The following UBA1 variants were observed in gnomAD, a reference collection of about 807,000 sequenced individuals.
UBA1 encodes the protein ubiquitin-like modifier-activating enzyme 1.
Under a neutral mutation model 84.7 loss-of-function variants are expected in UBA1, and 4 were observed. The observed-to-expected ratio is 0.05, with a 90% CI of 0.02 to 0.11. The LOEUF (loss-of-function observed/expected upper bound fraction) is 0.11, where lower values mean the gene tolerates loss of function less well. Among genes scored for constraint, UBA1 ranks in the 10% least tolerant of loss-of-function variants. The pLI is 1.00. For synonymous variants in UBA1, 364 were observed against 362.6 expected (o/e 1.00, Z -0.04); for missense variants, 513 against 902.8 (o/e 0.57, Z 5.53).
chrX:47,214,700 G>A, intron 25 of UBA1, 63 bp downstream of exon 25: 1 of 1,193,574 alleles, frequency 8.4e-7, no homozygotes, highest in Non-Finnish European at 1.1e-6. Context: ...TCATCATCCA[G>A]CTGTCCCACT....
At chrX:47,197,549 A>C (rs1267380809) in intron 1 of UBA1, 1 of 752,466 alleles carries the variant, frequency 1.3e-6, no homozygotes, top group Non-Finnish European at 1.6e-6. Flanking sequence ...GGTGAGGGGA[A>C]GTGACGCTGG....
Position 47,202,443 on chromosome X carries a change from G to A in UBA1, c.995G>A (p.Gly332Asp), listed in dbSNP as rs781816359. The change falls in exon 10 of 26, where the codon GGC becomes GAC. Residue 332 changes from glycine (G) to aspartate (D), a missense_variant. Physicochemically the swap from Gly to Asp is moderately conservative, Grantham distance 94 (BLOSUM62 -1). Transcript: ENST00000335972. Reference sequence around the variant, plus strand: ...TCTCGCCCTGCCCAGCTGCACATTGGCTTCCAGGCCCTGCACCAGTTCTGT... The same window carrying A: ...TCTCGCCCTGCCCAGCTGCACATTGACTTCCAGGCCCTGCACCAGTTCTGT... ...KFSRPAQLHI[G>D]FQALHQFCAQ... 8.3e-7 allele frequency: 1 copy of A among 1,208,642 alleles called. No homozygotes were observed. The highest frequency in any genetic ancestry group is 3.0e-5 in the East Asian group (1 of 33,708).
intron 16 of UBA1, among the ~76,000 whole-genome samples, chrX:47,208,329 G>A (rs1440200986): frequency 9.6e-6 from 1 of 103,841 alleles, no homozygotes; most frequent in Non-Finnish European, 1.9e-5. Context: ...GTGTACGTGT[G>A]TGTGTGTGTG....
rs145177450 is a variant in UBA1 at position 47,211,089 on chromosome X, C to T, written c.2328C>T (p.Tyr776=). The change falls in exon 20 of 26, where the codon TAC becomes TAT. Residue 776 remains tyrosine, a synonymous_variant. Coordinates refer to ENST00000335972, the MANE Select transcript of UBA1 (RefSeq NM_003334.4). The stretch of plus-strand genomic sequence containing the variant: ...CTGCCAACCTGTTTGCCCAGACCTA[C>T]GGGCTGACAGGCTCTCAGGACCGAG... The part of the protein sequence containing the change: ...MAAANLFAQT[Y]GLTGSQDRAA... 6.2e-4 allele frequency: 754 copies of T among 1,209,986 alleles called. 4 individuals are homozygous for T. The African/African-American group carries it at 0.012, about 19-fold the overall frequency.
At chrX:47,212,010 A>G (rs1936940159) in intron 20 of UBA1, among the ~76,000 whole-genome samples, 1 of 71,316 alleles carries the variant, frequency 1.4e-5, no homozygotes, top group African/African-American at 6.0e-5. Context: ...TCTTTCCTCT[A>G]TGTCCACATC....
At chrX:47,198,113 G>T in intron 1 of UBA1, 1 of 908,366 alleles carries the variant, frequency 1.1e-6, no homozygotes, top group Non-Finnish European at 1.4e-6. Flanking sequence ...CCCAAAGCTG[G>T]GGGCAGGGTT....
rs782698740 is a variant in UBA1, at chrX:47,213,191, T to C, written c.2838+10T>C. ...CGCACCACGTCACCAGGTGGGGGCC[T>C]GCATCCGAAGCAGGGTTTGGGTGGG... is the stretch of plus-strand genomic sequence containing the variant. On this transcript the variant is annotated intron_variant, in intron 23 of 25. Coordinates refer to ENST00000335972, the MANE Select transcript of UBA1 (RefSeq NM_003334.4). The C allele has an allele frequency of 8.3e-7, 1 of 1,208,303 alleles. No individual in the cohort carries two copies. Among genetic ancestry groups the C allele is most frequent in the South Asian group, 1.8e-5 (1 of 56,793 alleles).
chrX:47,207,598 G>A (rs947119826), intron 16 of UBA1, among the ~76,000 whole-genome samples: 2 of 111,064 alleles, frequency 1.8e-5, no homozygotes, highest in African/African-American at 3.3e-5. Context: ...TGTGCTGTCA[G>A]AATAATTCTT....
chrX:47,208,052 C>T (rs1556791734), intron 16 of UBA1, among the ~76,000 whole-genome samples: 1 of 112,491 alleles, frequency 8.9e-6, no homozygotes, highest in Non-Finnish European at 1.9e-5. Flanking sequence ...CTAGGTAATA[C>T]GTGGCATAGC....
intron 16 of UBA1, chrX:47,209,319 A>G (rs1936819778): frequency 1.4e-5 from 6 of 419,455 alleles, no homozygotes; most frequent in African/African-American, 1.0e-4. Context: ...ACGCCCAGCT[A>G]CTTTTTGTAT....
chrX:47,205,926 C>T, intron 14 of UBA1, 22 bp from the exon 15 acceptor site: 1 of 1,199,004 alleles, frequency 8.3e-7, no homozygotes. Context: ...CACCCTGGAA[C>T]TGCACTTTCT....
rs782781187 is a variant in UBA1 at position 47,198,907 on chromosome X, G to A, written c.105G>A (p.Ser35=). 9 of 1,210,452 alleles carry A rather than the reference G, an allele frequency of 7.4e-6. No individual in the cohort carries two copies. Among genetic ancestry groups the A allele is most frequent in the African/African-American group, 3.5e-5 (2 of 57,253 alleles). ...PAQSVLSEVP[S]VPTNGMAKNG... ...AGTCCGTGTTGTCCGAAGTGCCCTCGGTGCCAACCAACGTGAGTGTCCTCT... is the reference window on the plus strand; with the variant it reads ...AGTCCGTGTTGTCCGAAGTGCCCTCAGTGCCAACCAACGTGAGTGTCCTCT... Residue 35 remains serine, a synonymous_variant, in exon 2 of 26, where the codon TCG becomes TCA. Transcript: ENST00000335972.
chrX:47,201,639 G>A (rs1556788101), intron 8 of UBA1, 29 bp downstream of exon 8: 2 of 1,206,311 alleles, frequency 1.7e-6, no homozygotes, highest in Non-Finnish European at 2.2e-6. Flanking sequence ...GGAAGCAGAG[G>A]GGAACTAGAA....
At chrX:47,210,151 G>A in intron 18 of UBA1, 28 bp downstream of exon 18, 4 of 1,207,243 alleles carry the variant, frequency 3.3e-6, no homozygotes, top group Non-Finnish European at 4.5e-6. Flanking sequence ...GGTCCATTTG[G>A]CAGAATGTGT....
At chrX:47,204,282 G>C (rs1186324089) in intron 14 of UBA1, among the ~76,000 whole-genome samples, 2 of 108,129 alleles carry the variant, frequency 1.8e-5, no homozygotes, top group Admixed American at 2.0e-4. Flanking sequence ...CGTGCTTGTG[G>C]CTACAATTTA....
chrX:47,198,939 AGACTGG>A lies in UBA1; in HGVS notation c.117+21_117+26del, dbSNP rs1936302623. ...ACCAACGTGAGTGTCCTCTCCGTGG[AGACTGG>A]CAGACGAGGTGGTGGGTGGGAAAGT... On this transcript the variant is annotated intron_variant, in intron 2 of 25. Transcript: ENST00000335972. 5.8e-6 allele frequency: 7 copies of A among 1,207,469 alleles called. No individual in the cohort carries two copies. The highest frequency in any genetic ancestry group is 7.9e-6 in the Non-Finnish European group (7 of 891,405).
At chrX:47,208,296 T>TAA (rs1936760380) in intron 16 of UBA1, among the ~76,000 whole-genome samples, 1 of 104,691 alleles carries the variant, frequency 9.6e-6, no homozygotes, top group African/African-American at 3.6e-5. Context: ...TGTGTGTAAG[T>TAA]GTCTGTGTGT....
At chrX:47,206,669 A>AT (rs1936690846) in intron 16 of UBA1, 1 of 429,485 alleles carries the variant, frequency 2.3e-6, no homozygotes, top group African/African-American at 2.5e-5. Context: ...ATAGACAAAT[A>AT]TTAAGAATAT....
rs1556793878 is a variant in UBA1 at position 47,212,788 on chromosome X, T to G, written c.2571T>G (p.Phe857Leu). ...IDFEKDDDSN[F>L]HMDFIVAASN... ...CATAACAGGATGATGACAGCAACTT[T>G]CATATGGATTTCATCGTGGCTGCAT... Residue 857 changes from phenylalanine to leucine, a missense_variant, in exon 22 of 26, where the codon TTT becomes TTG. Transcript: ENST00000335972. 8.3e-7 allele frequency: 1 copy of G among 1,211,300 alleles called. No individual in the cohort carries two copies. Among genetic ancestry groups the G allele is most frequent in the Admixed American group, 2.2e-5 (1 of 45,996 alleles).
Sources: gnomAD v4.1 joint callset for allele counts (sites outside exome capture counted in the v4.1 genomes callset) on GRCh38, gnomAD v4.1.1 for gene constraint, MANE v1.5 for transcripts, NCBI Gene and HGNC (gene_info 2026-07-23, HGNC 2026-07-21) for gene names.